The following EP400 variants were observed in gnomAD, a reference collection of about 807,000 sequenced individuals.
EP400 encodes the protein E1A-binding protein p400.
A neutral mutation model predicts 354.1 loss-of-function variants in EP400; 105 were observed. The ratio of observed to expected loss-of-function variants is 0.30; its 90% CI spans 0.25 to 0.35. EP400 has a LOEUF of 0.35. Ranked by LOEUF, EP400 falls within the 10% of genes least tolerant of loss-of-function variation. The pLI is 1.00. For synonymous variants in EP400, 1,646 were observed against 1,716.9 expected (o/e 0.96, Z 1.02); for missense variants, 3,280 against 4,121.0 (o/e 0.80, Z 5.59).
intron 51 of EP400, among the ~76,000 whole-genome samples, 170 bp downstream of exon 51, chr12:132,069,811 A>C (rs1896016068): frequency 6.6e-6 from 1 of 152,032 alleles, no homozygotes; most frequent in Non-Finnish European, 1.5e-5. Context: ...GGCTCCTGGG[A>C]AGGCTCCTCT....
chr12:131,989,935 C>T (rs748278167), intron 7 of EP400, 29 bp from the exon 8 acceptor site: 2 of 1,611,048 alleles, frequency 1.2e-6, no homozygotes, highest in East Asian at 4.5e-5. Flanking sequence ...TAGAGTACAA[C>T]ATACAATTCT....
chr12:132,053,632 C>T (rs1298366069), intron 43 of EP400, 35 bp downstream of exon 43: 21 of 1,478,746 alleles, frequency 1.4e-5, no homozygotes, highest in South Asian at 5.4e-5. Context: ...TTCCCCTCTA[C>T]GGGAAGTCAC....
At chr12:132,077,257 G>T in intron 52 of EP400, 144 bp from the exon 53 acceptor site, 1 of 1,051,974 alleles carries the variant, frequency 9.5e-7, no homozygotes, top group Non-Finnish European at 1.4e-6. Context: ...AGGTCATACT[G>T]TTGTGTGACT....
chr12:131,961,572 C>T lies in EP400; in HGVS notation c.953C>T (p.Pro318Leu), dbSNP rs762356989. Residue 318 changes from proline (P) to leucine (L), a missense_variant, in exon 2 of 53, where the codon CCG becomes CTG. By Grantham distance (98) the Pro-to-Leu change is moderately conservative. Transcript: ENST00000389561. ...AAGFGMTSPP[P>L]PTSPSRTAVP... The stretch of plus-strand genomic sequence containing the variant: ...GGGTTTGGGATGACGTCCCCACCCC[C>T]GCCCACCAGCCCTTCCAGGACTGCC... The T allele has an allele frequency of 9.7e-6, 15 of 1,545,270 alleles. No individual in the cohort carries two copies. Among genetic ancestry groups the T allele is most frequent in the South Asian group, 5.9e-5 (5 of 85,286 alleles).
At chr12:131,997,569 A>G (rs1367489712) in intron 12 of EP400, among the ~76,000 whole-genome samples, 1 of 152,130 alleles carries the variant, frequency 6.6e-6, no homozygotes. Flanking sequence ...TTTGTATGTT[A>G]TGTGTATTTA....
intron 52 of EP400, among the ~76,000 whole-genome samples, chr12:132,077,172 T>C (rs1896262865): frequency 6.6e-6 from 1 of 152,242 alleles, no homozygotes. Flanking sequence ...TCTCACCCTT[T>C]TCCCAAGAGG....
Position 132,017,735 on chromosome 12 carries a change from C to A in EP400, c.4110+14C>A. ...GATTTCTGGAAGGTAAGTGGAGGATCCAGAAAGCGGAATTACTGTTGGATA... is the reference window on the plus strand; with the variant it reads ...GATTTCTGGAAGGTAAGTGGAGGATACAGAAAGCGGAATTACTGTTGGATA... On this transcript the variant is annotated intron_variant, in intron 20 of 52. Coordinates refer to ENST00000389561, the MANE Select transcript of EP400 (RefSeq NM_015409.5). This position sits in a 1 kb window ranked among gnomAD's most constrained non-coding sequence, Gnocchi z 5.0. 6.6e-7 allele frequency: 1 copy of A among 1,509,860 alleles called. No homozygotes were observed. The highest frequency in any genetic ancestry group is 1.3e-5 in the South Asian group (1 of 75,018). The allele number at this position is 1,509,860 out of a possible 1,614,324, so 93.5% of individuals were successfully genotyped here. A position where few individuals can be genotyped will look rare whatever the true frequency, so the allele number is the denominator to read the frequency against.
At chr12:132,073,025 G>A (rs546834235) in intron 51 of EP400, among the ~76,000 whole-genome samples, 81 of 152,246 alleles carry the variant, frequency 5.3e-4, no homozygotes, top group African/African-American at 1.9e-3. Flanking sequence ...GTCACCTCCT[G>A]TGAGCAGCTC....
Position 132,061,798 on chromosome 12 carries a change from C to T in EP400, c.7885-312C>T, listed in dbSNP as rs150032547. Among the ~76,000 whole-genome samples the T allele has an allele frequency of 6.1e-3, 932 of 152,314 alleles. 7 individuals carry two copies. Among genetic ancestry groups the T allele is most frequent in the Non-Finnish European group, 9.8e-3 (669 of 68,032 alleles). The stretch of plus-strand genomic sequence containing the variant: ...ATGGGTGCCTCAAGGACAGTCGTTA[C>T]GTTCCTGGGGACCAAGAGGTCTTTG... On this transcript the variant is annotated intron_variant, in intron 45 of 52. Coordinates refer to ENST00000389561, the MANE Select transcript of EP400 (RefSeq NM_015409.5).
intron 14 of EP400, 114 bp from the exon 15 acceptor site, chr12:132,006,586 C>T (rs1245077554): frequency 1.4e-5 from 16 of 1,116,722 alleles, no homozygotes. Context: ...TTCTGTAGAT[C>T]ATTTTTGTGG....
chr12:132,043,866 A>G, intron 34 of EP400, 138 bp downstream of exon 34: 1 of 875,602 alleles, frequency 1.1e-6, no homozygotes. Flanking sequence ...ACTTAAAATG[A>G]AGAGAGTCTC....
intron 51 of EP400, chr12:132,076,264 C>A (rs1278563069): frequency 1.4e-5 from 7 of 500,346 alleles, no homozygotes; most frequent in South Asian, 3.5e-5. Context: ...AAAAATGTGT[C>A]TGAAATATGA....
Position 131,961,556 on chromosome 12 carries a change from A to G in EP400, c.937A>G (p.Met313Val). 1 of 1,555,350 alleles carries G rather than the reference A, an allele frequency of 6.4e-7. No homozygotes were observed. Among genetic ancestry groups the G allele is most frequent in the Non-Finnish European group, 8.7e-7 (1 of 1,148,078 alleles). Residue 313 changes from methionine (M) to valine (V), a missense_variant, in exon 2 of 53, where the codon ATG becomes GTG. Coordinates refer to ENST00000389561, the MANE Select transcript of EP400 (RefSeq NM_015409.5). ...GGCTGGGGGCGCAGCGGGGTTTGGG[A>G]TGACGTCCCCACCCCCGCCCACCAG... ...PGAGGAAGFG[M>V]TSPPPPTSPS... is the part of the protein sequence containing the mutation.
rs1193400147 is a variant in EP400 at position 132,067,083 on chromosome 12, C to T, written c.8749+114C>T. Reference sequence around the variant, plus strand: ...CTTTCCTCACACCCACCCACTTGAGCGTGCCATCACGTGTTCTAGCACAAA... The same window carrying T: ...CTTTCCTCACACCCACCCACTTGAGTGTGCCATCACGTGTTCTAGCACAAA... On this transcript the variant is annotated intron_variant, in intron 49 of 52. Coordinates refer to ENST00000389561, the MANE Select transcript of EP400 (RefSeq NM_015409.5). The surrounding 1 kb of genome is among the most constrained non-coding windows in gnomAD (Gnocchi z 5.3). The T allele has an allele frequency of 4.4e-5, 58 of 1,311,366 alleles. No homozygotes were observed. In the South Asian group the frequency reaches 7.6e-4, roughly 17 times the overall value. 81.2% of individuals were successfully genotyped at this position (1,311,366 alleles called of 1,614,324 possible).
At chr12:132,069,205 C>T in intron 50 of EP400, 2 of 379,044 alleles carry the variant, frequency 5.3e-6, no homozygotes, top group South Asian at 1.4e-4. Context: ...GTCAGGGTGC[C>T]CCACCAGCCC....
Position 132,006,309 on chromosome 12 carries a change from C to T in EP400, c.3126+7C>T, listed in dbSNP as rs538322671. On this transcript the variant is annotated splice_region_variant and intron_variant, in intron 14 of 52. Coordinates refer to ENST00000389561, the MANE Select transcript of EP400 (RefSeq NM_015409.5). ...TGCTCGGGTCACAACCTCGGTGAGG[C>T]GCTAAGCTTTCAAGTGTGGGATGGG... The T allele has an allele frequency of 2.5e-5, 40 of 1,613,006 alleles. No homozygotes were observed. Among genetic ancestry groups the T allele is most frequent in the Non-Finnish European group, 3.1e-5 (36 of 1,179,466 alleles).
In EP400 at chr12:132,011,529, A is replaced by G; in HGVS notation, c.3336A>G (p.Arg1112=). Residue 1112 remains arginine, a synonymous_variant, in exon 16 of 53, where the codon AGA becomes AGG. Coordinates refer to ENST00000389561, the MANE Select transcript of EP400 (RefSeq NM_015409.5). ...GGGGCCCCCATCTTGTTGTTGTGAG[A>G]AGTTGTAACATACTCAAGTGGGAGC... ...GNWGPHLVVV[R]SCNILKWELE... is the part of the protein sequence containing the mutation. The G allele has an allele frequency of 6.2e-7, 1 of 1,613,782 alleles. No homozygotes were observed. Among genetic ancestry groups the G allele is most frequent in the Non-Finnish European group, 8.5e-7 (1 of 1,179,936 alleles).
chr12:132,046,840 C>G (rs976088810), intron 39 of EP400, among the ~76,000 whole-genome samples: 1 of 152,220 alleles, frequency 6.6e-6, no homozygotes, highest in Non-Finnish European at 1.5e-5. Context: ...TGCCAGTGTC[C>G]ACACCCATTG....
intron 2 of EP400, among the ~76,000 whole-genome samples, chr12:131,964,734 C>T (rs1257564422): frequency 6.6e-6 from 1 of 152,228 alleles, no homozygotes; most frequent in South Asian, 2.1e-4. Flanking sequence ...ACATCATATC[C>T]TATTCTTTTA....
Sources: gnomAD v4.1 joint callset for allele counts (sites outside exome capture counted in the v4.1 genomes callset) on GRCh38, gnomAD v4.1.1 for gene constraint, Gnocchi (gnomAD v3.1) non-coding constraint, MANE v1.5 for transcripts, NCBI Gene and HGNC (gene_info 2026-07-23, HGNC 2026-07-21) for gene names.